ESR1: variants seen among roughly 807,000 people sequenced by gnomAD.
The protein encoded by ESR1 is estrogen receptor 1, also known as estrogen receptor.
In ESR1, 12 loss-of-function variants were observed where a neutral mutation model predicts 52.7. The ratio of observed to expected loss-of-function variants is 0.23; its 90% CI spans 0.15 to 0.37. The LOEUF is 0.37. Among genes scored for constraint, ESR1 ranks in the 10% least tolerant of loss-of-function variants. The pLI is 1.00. For synonymous variants in ESR1, 305 were observed against 316.8 expected, an observed-to-expected ratio of 0.96 and a Z score of 0.39; for missense variants, 584 against 779.7, an observed-to-expected ratio of 0.75 and a Z score of 2.99.
chr6:152,081,901 T>G (rs551292856), intron 6 of ESR1, among the ~76,000 whole-genome samples: 230 of 152,174 alleles, frequency 1.5e-3, no homozygotes, highest in African/African-American at 5.3e-3. Flanking sequence ...CCTGGACACA[T>G]ACACCCTCCC....
chr6:151,717,788 T>C (rs1781162523), intron 2 of ESR1, among the ~76,000 whole-genome samples: 1 of 152,204 alleles, frequency 6.6e-6, no homozygotes, highest in African/African-American at 2.4e-5. Context: ...AGATAATTGA[T>C]TGAATTGGAT....
intron 2 of ESR1, among the ~76,000 whole-genome samples, chr6:151,876,252 C>T (rs936693936): frequency 4.6e-5 from 7 of 151,952 alleles, no homozygotes; most frequent in Non-Finnish European, 4.4e-5. Flanking sequence ...AACAGACTGG[C>T]GAGGAAAGAA....
intron 4 of ESR1, among the ~76,000 whole-genome samples, chr6:152,006,851 A>G (rs1296317272): frequency 6.6e-6 from 1 of 151,942 alleles, no homozygotes; most frequent in Admixed American, 6.6e-5. Context: ...TTTTTTTTCC[A>G]GTGAATCTAC....
intron 5 of ESR1, among the ~76,000 whole-genome samples, chr6:152,020,567 C>T (rs1423919248): frequency 6.6e-6 from 1 of 152,098 alleles, no homozygotes; most frequent in South Asian, 2.1e-4. Context: ...TCTTGTGCCT[C>T]AGCCTACAGA....
chr6:152,042,029 A>G (rs1266369765), intron 5 of ESR1, among the ~76,000 whole-genome samples: 2 of 152,232 alleles, frequency 1.3e-5, no homozygotes, highest in African/African-American at 4.8e-5. Context: ...CCAAACAGGA[A>G]AGTTGAACGG....
chr6:151,729,316 C>T (rs957396055), intron 2 of ESR1, among the ~76,000 whole-genome samples: 1 of 151,998 alleles, frequency 6.6e-6, no homozygotes, highest in Non-Finnish European at 1.5e-5. Flanking sequence ...ACTTCCCAGC[C>T]TCCAGAACCA....
rs60553265 is a variant in ESR1, at chr6:152,114,890, C to CAA, written c.851-10351_851-10350dup. On this transcript the variant is annotated intron_variant, in intron 6 of 6. Coordinates refer to the ESR1 transcript ENST00000427531. The stretch of plus-strand genomic sequence containing the variant: ...TGGGTGACAGAGCTAGACTCCGTCT[C>CAA]AAAAAAAAAAAAAAAAAAAAAAAAA... 9.7e-3 allele frequency among the ~76,000 whole-genome samples: 401 copies of CAA among 41,174 alleles called. 39 individuals are homozygous for CAA. The highest frequency in any genetic ancestry group is 0.025 in the Middle Eastern group (1 of 40). 27.0% of individuals were successfully genotyped at this position (41,174 alleles called of 152,430 possible).
At position 152,057,768 on chromosome 6, in the gene ESR1, T is replaced by C. The variant is rs556163480; in HGVS notation, c.1236-3223T>C. Among the ~76,000 whole-genome samples, 3 of 151,780 alleles carry C rather than the reference T, an allele frequency of 2.0e-5. No individual in the cohort carries two copies. In the East Asian group the frequency reaches 5.8e-4, roughly 29 times the overall value. ...GAGAGTTTGGGGTATACACCATCCC[T>C]GAGGGCACAGTCTACAGCTCCTAAT... On this transcript the variant is annotated intron_variant, in intron 5 of 7. Coordinates refer to ENST00000206249, the MANE Select transcript of ESR1 (RefSeq NM_000125.4).
chr6:151,738,302 G>A (rs1782821004), intron 2 of ESR1, among the ~76,000 whole-genome samples: 1 of 152,124 alleles, frequency 6.6e-6, no homozygotes, highest in Non-Finnish European at 1.5e-5. Context: ...TTTGGCTATT[G>A]TGAATAGTGC....
intron 2 of ESR1, among the ~76,000 whole-genome samples, chr6:151,722,553 C>T (rs548157647): frequency 1.5e-4 from 23 of 152,278 alleles, no homozygotes; most frequent in Non-Finnish European, 2.2e-4. Flanking sequence ...TGCACTGACA[C>T]GGCTGAGAGT....
At chr6:151,712,678 C>T (rs1278889570) in intron 2 of ESR1, among the ~76,000 whole-genome samples, 1 of 152,130 alleles carries the variant, frequency 6.6e-6, no homozygotes, top group Non-Finnish European at 1.5e-5. Flanking sequence ...GATTTTTGCA[C>T]ATTGATTTTG....
At chr6:151,860,766 G>A (rs911180152) in intron 2 of ESR1, among the ~76,000 whole-genome samples, 1 of 152,132 alleles carries the variant, frequency 6.6e-6, no homozygotes, top group Non-Finnish European at 1.5e-5. Context: ...TATTTTGCAT[G>A]ATTTACAATT....
intron 1 of ESR1, among the ~76,000 whole-genome samples, chr6:151,821,896 T>C (rs1198071556): frequency 6.6e-6 from 1 of 152,156 alleles, no homozygotes; most frequent in African/African-American, 2.4e-5. Flanking sequence ...GAAATGAAAG[T>C]TTAATAAGAA....
intron 5 of ESR1, among the ~76,000 whole-genome samples, chr6:152,030,254 A>AT: frequency 6.6e-6 from 1 of 152,318 alleles, no homozygotes; most frequent in South Asian, 2.1e-4. Flanking sequence ...AGCAGCTAAC[A>AT]TCATAATGAC....
chr6:151,978,851 G>C (rs745888858), intron 4 of ESR1, among the ~76,000 whole-genome samples: 1 of 152,194 alleles, frequency 6.6e-6, no homozygotes, highest in Non-Finnish European at 1.5e-5. Context: ...GAAACTGTTG[G>C]AGGATGTAGT....
chr6:151,697,471 A>G (rs1779439283), intron 1 of ESR1, among the ~76,000 whole-genome samples: 1 of 152,196 alleles, frequency 6.6e-6, no homozygotes, highest in African/African-American at 2.4e-5. Flanking sequence ...TACAATGAAG[A>G]CTAAGTGATA....
intron 2 of ESR1, among the ~76,000 whole-genome samples, chr6:151,843,815 A>G (rs1784673118): frequency 6.6e-6 from 1 of 152,126 alleles, no homozygotes; most frequent in Admixed American, 6.6e-5. Context: ...AGTGATTCTC[A>G]TGGACTTTCT....
chr6:151,854,188 G>C (rs1341600116), intron 2 of ESR1, among the ~76,000 whole-genome samples: 1 of 152,122 alleles, frequency 6.6e-6, no homozygotes, highest in Non-Finnish European at 1.5e-5. Context: ...CACTATATAG[G>C]TTATCTTGTA....
chr6:152,091,634 A>C lies in ESR1; in HGVS notation c.1370-2751A>C, dbSNP rs77157362. On this transcript the variant is annotated intron_variant, in intron 6 of 7. Coordinates refer to ENST00000206249, the MANE Select transcript of ESR1 (RefSeq NM_000125.4). ...TGGAACATTGGCAGCCCAAGAAAAA[A>C]GTCACTCCCCAGAGGCCGAGTGCCA... Among the ~76,000 whole-genome samples the C allele has an allele frequency of 1.7e-4, 26 of 152,262 alleles. No homozygotes were observed. The East Asian group carries it at 4.3e-3, about 25-fold the overall frequency.
Sources: allele counts gnomAD v4.1 joint callset (sites outside exome capture counted in the v4.1 genomes callset), GRCh38; gene constraint gnomAD v4.1.1; transcripts MANE v1.5; gene names NCBI Gene and HGNC (gene_info 2026-07-23, HGNC 2026-07-21).